Variants in HACE1 observed in about 807,000 individuals in gnomAD.
The protein encoded by HACE1 is HECT domain and ankyrin repeat containing E3 ubiquitin protein ligase 1.
A neutral mutation model predicts 118.4 loss-of-function variants in HACE1; 73 were observed. The observed-to-expected ratio is 0.62, with a 90% CI of 0.51 to 0.75. HACE1 has a LOEUF of 0.75. Ranked by LOEUF, HACE1 falls within the 30% of genes least tolerant of loss-of-function variation. The pLI is 0.00. For missense variants in HACE1, 749 were observed against 1,102.2 expected (o/e 0.68, Z 4.54); for synonymous variants, 368 against 374.8 (o/e 0.98, Z 0.21).
chr6:104,775,883 C>A (rs759539529), intron 17 of HACE1, among the ~76,000 whole-genome samples: 1 of 149,900 alleles, frequency 6.7e-6, no homozygotes, highest in Non-Finnish European at 1.5e-5. Flanking sequence ...ATTAATGAAG[C>A]ATTCTCTCCT....
chr6:104,853,164 C>T (rs1776406956), intron 1 of HACE1, among the ~76,000 whole-genome samples: 2 of 152,292 alleles, frequency 1.3e-5, no homozygotes, highest in East Asian at 1.9e-4. Context: ...GTTCAGCACC[C>T]TTCCTCTCTC....
Position 104,831,970 on chromosome 6 carries a change from GAAGAGAAGAGAGGAAGGAAGGA to G in HACE1, c.534+1050_534+1071del, listed in dbSNP as rs1288520546. 3.2e-3 allele frequency among the ~76,000 whole-genome samples: 222 copies of G among 70,468 alleles called. 2 individuals carry two copies. The highest frequency in any genetic ancestry group is 0.022 in the East Asian group (65 of 2,928). The allele number at this position is 70,468 out of a possible 152,430, so 46.2% of individuals were successfully genotyped here. ...GAAGAGAAGAGAAGAGAAGAGAAGA[GAAGAGAAGAGAGGAAGGAAGGA>G]AGGAAGGAAGGAAGGAAGGAAGGAA... On this transcript the variant is annotated intron_variant, in intron 6 of 23. Coordinates refer to ENST00000262903, the MANE Select transcript of HACE1 (RefSeq NM_020771.4).
At chr6:104,851,830 G>A (rs1776237116) in intron 2 of HACE1, among the ~76,000 whole-genome samples, 1 of 152,056 alleles carries the variant, frequency 6.6e-6, no homozygotes, top group Non-Finnish European at 1.5e-5. Flanking sequence ...GAGCTGACTG[G>A]TGTAAGTGTA....
chr6:104,784,225 G>T (rs533524296), intron 13 of HACE1, 52 bp from the exon 14 acceptor site: 9 of 1,042,264 alleles, frequency 8.6e-6, no homozygotes, highest in South Asian at 7.6e-5. Context: ...GTAGCATTAA[G>T]TGAAATGCAA....
chr6:104,838,759 T>A (rs1376858488), intron 5 of HACE1, among the ~76,000 whole-genome samples: 1 of 151,182 alleles, frequency 6.6e-6, no homozygotes, highest in African/African-American at 2.4e-5. Context: ...GTTAAAACAC[T>A]TTTGCACAGG....
intron 22 of HACE1, among the ~76,000 whole-genome samples, chr6:104,737,745 TG>T (rs1232570723): frequency 1.3e-5 from 2 of 152,044 alleles, no homozygotes; most frequent in Non-Finnish European, 2.9e-5. Flanking sequence ...GCAGCGAGGC[TG>T]GGGGAGGGGC....
intron 19 of HACE1, among the ~76,000 whole-genome samples, chr6:104,761,918 C>G (rs182136437): frequency 6.6e-6 from 1 of 152,296 alleles, no homozygotes; most frequent in East Asian, 1.9e-4. Flanking sequence ...CAAAAGAAGA[C>G]ATTTATGCAC....
intron 10 of HACE1, among the ~76,000 whole-genome samples, chr6:104,792,933 T>G (rs902259269): frequency 2.6e-5 from 4 of 152,238 alleles, no homozygotes; most frequent in South Asian, 2.1e-4. Flanking sequence ...CTTTGCTCAT[T>G]AGAAGCACGG....
At chr6:104,753,569 C>A (rs931112936) in intron 19 of HACE1, among the ~76,000 whole-genome samples, 1 of 152,170 alleles carries the variant, frequency 6.6e-6, no homozygotes, top group African/African-American at 2.4e-5. Flanking sequence ...TGCTTCATGG[C>A]CTTCTCTGCT....
chr6:104,797,322 T>G (rs1582517958), intron 7 of HACE1, among the ~76,000 whole-genome samples: 1 of 151,958 alleles, frequency 6.6e-6, no homozygotes, highest in African/African-American at 2.4e-5. Context: ...TTTTTTTTTT[T>G]TCTTACATTC....
chr6:104,785,380 AAAC>A (rs766082739), intron 11 of HACE1, 61 bp from the exon 12 acceptor site: 229 of 939,804 alleles, frequency 2.4e-4, no homozygotes, highest in Middle Eastern at 9.5e-4. Flanking sequence ...AAAAAAAAAA[AAAC>A]AAAACACAAC....
At position 104,820,194 on chromosome 6, in the gene HACE1, CA is replaced by C. The variant is rs60172674; in HGVS notation, c.535-8802del. Among the ~76,000 whole-genome samples the C allele has an allele frequency of 4.9e-3, 286 of 58,848 alleles. 1 individual carries two copies. Among genetic ancestry groups the C allele is most frequent in the African/African-American group, 0.01 (174 of 17,068 alleles). The allele number at this position is 58,848 out of a possible 152,430, so 38.6% of individuals were successfully genotyped here. ...TGGGCAACAGAGTGAGACTCCGTCT[CA>C]AAAAAAAAAAAAAAAAAAAGTAAAA... On this transcript the variant is annotated intron_variant, in intron 6 of 23. Coordinates refer to ENST00000262903, the MANE Select transcript of HACE1 (RefSeq NM_020771.4).
Position 104,814,934 on chromosome 6 carries a change from T to C in HACE1, c.535-3541A>G, listed in dbSNP as rs1016152277. ...AGCAGAACTCTGAGTCAATTAAACA[T>C]CTTTTCTTCACAAATTACTCAGTCT... On this transcript the variant is annotated intron_variant, in intron 6 of 23. Coordinates refer to ENST00000262903, the MANE Select transcript of HACE1 (RefSeq NM_020771.4). Among the ~76,000 whole-genome samples the C allele has an allele frequency of 1.4e-5, 2 of 138,682 alleles. 1 individual carries two copies. The highest frequency in any genetic ancestry group is 3.1e-5 in the Non-Finnish European group (2 of 64,440). 91.0% of individuals were successfully genotyped at this position (138,682 alleles called of 152,430 possible).
intron 1 of HACE1, 35 bp from the exon 2 acceptor site, chr6:104,852,406 C>T: frequency 7.9e-7 from 1 of 1,266,772 alleles, no homozygotes; most frequent in Non-Finnish European, 1.2e-6. Flanking sequence ...CATTTATCCC[C>T]TACTTTGTGC....
chr6:104,809,648 G>A (rs530885354), intron 7 of HACE1, among the ~76,000 whole-genome samples: 86 of 144,470 alleles, frequency 6.0e-4, no homozygotes, highest in African/African-American at 2.0e-3. Context: ...AGTAACAAGA[G>A]CAGATTCTTT....
intron 19 of HACE1, among the ~76,000 whole-genome samples, chr6:104,757,907 C>T (rs1230067906): frequency 6.6e-6 from 1 of 152,014 alleles, no homozygotes; most frequent in African/African-American, 2.4e-5. Context: ...CATACATAAG[C>T]TCCAATAGCC....
chr6:104,736,806 G>C (rs912257023), intron 22 of HACE1, among the ~76,000 whole-genome samples: 6 of 152,010 alleles, frequency 3.9e-5, no homozygotes, highest in African/African-American at 1.4e-4. Context: ...TTTATAGTGT[G>C]AGTCCAACTA....
intron 6 of HACE1, among the ~76,000 whole-genome samples, chr6:104,822,701 A>T (rs1772896487): frequency 6.6e-6 from 1 of 151,924 alleles, no homozygotes; most frequent in Non-Finnish European, 1.5e-5. Context: ...TACTAAAAAT[A>T]CAAAAATTAG....
intron 5 of HACE1, 80 bp from the exon 6 acceptor site, chr6:104,833,253 G>T: frequency 7.6e-7 from 1 of 1,310,368 alleles, no homozygotes; most frequent in Non-Finnish European, 1.1e-6. Flanking sequence ...TTATTTCTCA[G>T]CTGGGCGTGA....
Sources: allele counts gnomAD v4.1 joint callset (sites outside exome capture counted in the v4.1 genomes callset), GRCh38; gene constraint gnomAD v4.1.1; transcripts MANE v1.5; gene names NCBI Gene and HGNC (gene_info 2026-07-23, HGNC 2026-07-21).